The following CEP162 variants were observed in gnomAD, a reference collection of about 807,000 sequenced individuals.
CEP162 encodes centrosomal protein 162.
In CEP162, 141 loss-of-function variants were observed where a neutral mutation model predicts 169.2. The observed-to-expected ratio is 0.83, with a 90% CI of 0.73 to 0.96. The LOEUF is 0.96. Ranked by LOEUF, CEP162 falls within the 40% of genes least tolerant of loss-of-function variation. The pLI, the probability that CEP162 is intolerant of heterozygous loss-of-function variation, is 0.00. For synonymous variants in CEP162, 540 were observed against 526.4 expected (o/e 1.03, Z -0.35); for missense variants, 1,600 against 1,587.2 (o/e 1.01, Z -0.14).
chr6:84,175,092 T>C, intron 14 of CEP162, 122 bp downstream of exon 14: 6 of 865,362 alleles, frequency 6.9e-6, no homozygotes, highest in Non-Finnish European at 8.5e-6. Flanking sequence ...TTAGTAAGAG[T>C]GATTACAGTA....
At chr6:84,202,455 T>C (rs1400176300) in intron 7 of CEP162, among the ~76,000 whole-genome samples, 1 of 151,686 alleles carries the variant, frequency 6.6e-6, no homozygotes, top group Non-Finnish European at 1.5e-5. Context: ...GTACACTTTC[T>C]AAATATACCA....
chr6:84,211,404 T>A (rs1231033133), intron 6 of CEP162, among the ~76,000 whole-genome samples: 1 of 151,276 alleles, frequency 6.6e-6, no homozygotes, highest in South Asian at 2.1e-4. Flanking sequence ...GGTGGGTGCC[T>A]GTATCCCAGC....
At chr6:84,182,007 T>C (rs192121130) in intron 13 of CEP162, among the ~76,000 whole-genome samples, 1 of 152,218 alleles carries the variant, frequency 6.6e-6, no homozygotes, top group East Asian at 1.9e-4. Context: ...TATTTTCAGA[T>C]ATACAATTTC....
intron 17 of CEP162, 135 bp downstream of exon 17, chr6:84,171,471 T>C (rs2129218154): frequency 2.3e-6 from 1 of 432,042 alleles, no homozygotes; most frequent in East Asian, 3.6e-5. Context: ...GTATTAAACA[T>C]AAAATTGGAA....
rs6922104 is a variant in CEP162 at position 84,203,712 on chromosome 6, A to G, written c.687+269T>C. On this transcript the variant is annotated intron_variant, in intron 7 of 26. Transcript: ENST00000403245. ...AACAGTCCTCCTGCCTCAGCCTCCC[A>G]AAGTGCTGAAATTACAGGCATGAAC... 8.3e-3 allele frequency among the ~76,000 whole-genome samples: 1,265 copies of G among 152,286 alleles called. 19 individuals are homozygous for G. The highest frequency in any genetic ancestry group is 0.029 in the African/African-American group (1,209 of 41,570).
In CEP162 at chr6:84,165,418, C is replaced by T. The variant is rs116645681; in HGVS notation, c.2386-2148G>A. Among the ~76,000 whole-genome samples the T allele has an allele frequency of 6.2e-3, 940 of 152,046 alleles. 4 individuals carry two copies. The highest frequency in any genetic ancestry group is 0.022 in the African/African-American group (906 of 41,498). ...CCCCATTCCTCTGCTTGACAAAAAC[C>T]GTACTTACCTTTCAAAGCTCACTTC... is the stretch of plus-strand genomic sequence containing the variant. On this transcript the variant is annotated intron_variant, in intron 18 of 26. Transcript: ENST00000403245.
chr6:84,179,237 C>A (rs1165222304), intron 13 of CEP162, among the ~76,000 whole-genome samples: 2 of 152,206 alleles, frequency 1.3e-5, no homozygotes, highest in African/African-American at 4.8e-5. Flanking sequence ...AATCGCCACA[C>A]TGTCTTCCAC....
intron 25 of CEP162, among the ~76,000 whole-genome samples, chr6:84,132,612 C>G (rs1311998538): frequency 6.6e-6 from 1 of 152,126 alleles, no homozygotes; most frequent in Non-Finnish European, 1.5e-5. Context: ...ATCACTGATA[C>G]CCTTTCTTCC....
chr6:84,171,512 T>G (rs1439071734), intron 17 of CEP162, 94 bp downstream of exon 17: 1 of 474,280 alleles, frequency 2.1e-6, no homozygotes, highest in Non-Finnish European at 3.6e-6. Context: ...AATTTTACTA[T>G]GTCTAAGTAA....
rs73485340 is a variant in CEP162, at chr6:84,176,808, T to A, written c.1664-1461A>T. ...CTTGTTCATAGTTGTAGTCTGCCAGTCCTTTTATGCCAGAGTTCTCCCTTC... is the reference window on the plus strand; with the variant it reads ...CTTGTTCATAGTTGTAGTCTGCCAGACCTTTTATGCCAGAGTTCTCCCTTC... On this transcript the variant is annotated intron_variant, in intron 13 of 26. Coordinates refer to ENST00000403245, the MANE Select transcript of CEP162 (RefSeq NM_014895.4). Among the ~76,000 whole-genome samples, 611 of 152,234 alleles carry A rather than the reference T, an allele frequency of 4.0e-3. 4 individuals carry two copies. The highest frequency in any genetic ancestry group is 0.014 in the African/African-American group (587 of 41,554).
Position 84,154,342 on chromosome 6 carries a change from G to A in CEP162, c.2994+956C>T, listed in dbSNP as rs192761600. ...TATCTATCTATCTATCTGTCTGTCT[G>A]TCTGTCTGTCTGTCTGTCTATCTAT... On this transcript the variant is annotated intron_variant, in intron 22 of 26. Transcript: ENST00000403245. 3.0e-3 allele frequency among the ~76,000 whole-genome samples: 445 copies of A among 150,650 alleles called. 1 individual carries two copies. The highest frequency in any genetic ancestry group is 0.01 in the African/African-American group (424 of 40,490).
At position 84,160,802 on chromosome 6, in the gene CEP162, G is replaced by C. The variant is rs1462891495; in HGVS notation, c.2781+10C>G. 1.3e-6 allele frequency: 2 copies of C among 1,543,458 alleles called. No homozygotes were observed. The highest frequency in any genetic ancestry group is 2.2e-5 in the South Asian group (2 of 89,592). On this transcript the variant is annotated intron_variant, in intron 21 of 26. Coordinates refer to ENST00000403245, the MANE Select transcript of CEP162 (RefSeq NM_014895.4). ...AAATATGCTCATGAAAATTTACCCT[G>C]AACACATACTTGTCGCTCCAGATCC...
At chr6:84,192,336 T>C (rs1325681758) in intron 11 of CEP162, among the ~76,000 whole-genome samples, 1 of 152,256 alleles carries the variant, frequency 6.6e-6, no homozygotes, top group African/African-American at 2.4e-5. Flanking sequence ...TGTTTTAGAA[T>C]TCCTATTACT....
At chr6:84,155,584 C>A (rs985025855) in intron 21 of CEP162, 74 bp from the exon 22 acceptor site, 9 of 1,006,406 alleles carry the variant, frequency 8.9e-6, no homozygotes, top group Middle Eastern at 2.7e-4. Flanking sequence ...AGGATACAAT[C>A]TACAGAAATC....
At position 84,127,823 on chromosome 6, in the gene CEP162, G is replaced by C. The variant is rs115262217; in HGVS notation, c.3871-1311C>G. 8.8e-3 allele frequency among the ~76,000 whole-genome samples: 1,335 copies of C among 152,198 alleles called. 24 individuals are homozygous for C. The highest frequency in any genetic ancestry group is 0.03 in the African/African-American group (1,251 of 41,534). On this transcript the variant is annotated intron_variant, in intron 25 of 26. Transcript: ENST00000403245. ...CTAATATTGTGTGCTATGATAAAGG[G>C]ATGGCCAATGACTAGTGAGATAAGT...
chr6:84,178,857 G>C (rs2099533519), intron 13 of CEP162, among the ~76,000 whole-genome samples: 1 of 151,946 alleles, frequency 6.6e-6, no homozygotes, highest in Non-Finnish European at 1.5e-5. Flanking sequence ...TCCCCTTCCT[G>C]TGTCCAAGTG....
intron 13 of CEP162, among the ~76,000 whole-genome samples, chr6:84,179,885 A>G (rs1045752499): frequency 2.0e-5 from 3 of 152,156 alleles, no homozygotes; most frequent in Non-Finnish European, 4.4e-5. Flanking sequence ...ACAGGACCAG[A>G]CGGATTCACA....
chr6:84,193,493 G>T, intron 11 of CEP162, 116 bp downstream of exon 11: 1 of 529,220 alleles, frequency 1.9e-6, no homozygotes, highest in East Asian at 3.4e-5. Flanking sequence ...AGAGAGTTAT[G>T]ACTCACAGGT....
At chr6:84,128,351 G>A (rs1380904375) in intron 25 of CEP162, among the ~76,000 whole-genome samples, 1 of 150,814 alleles carries the variant, frequency 6.6e-6, no homozygotes, top group Non-Finnish European at 1.5e-5. Context: ...AGAGATAACT[G>A]AATACTTAAT....
Sources: allele counts gnomAD v4.1 joint callset (sites outside exome capture counted in the v4.1 genomes callset), GRCh38; gene constraint gnomAD v4.1.1; transcripts MANE v1.5; gene names NCBI Gene and HGNC (gene_info 2026-07-23, HGNC 2026-07-21).